The following HIRA variants were observed in gnomAD, a reference collection of about 807,000 sequenced individuals.
HIRA encodes protein HIRA.
A neutral mutation model predicts 126.6 loss-of-function variants in HIRA; 13 were observed. The ratio of observed to expected loss-of-function variants is 0.10; its 90% CI spans 0.07 to 0.16. The LOEUF (loss-of-function observed/expected upper bound fraction) is 0.16. HIRA is among the 10% of genes least tolerant of loss of function. HIRA has a pLI of 1.00. For missense variants in HIRA, 834 were observed against 1,314.4 expected (o/e 0.63, Z 5.65); for synonymous variants, 511 against 520.0 (o/e 0.98, Z 0.24).
Position 19,330,964 on chromosome 22 carries a change from A to G in HIRA, c.*476T>C, listed in dbSNP as rs1176447499. 3.7e-6 allele frequency: 1 copy of G among 269,476 alleles called. No homozygotes were observed. Among genetic ancestry groups the G allele is most frequent in the Non-Finnish European group, 6.9e-6 (1 of 144,778 alleles). 16.7% of individuals were successfully genotyped at this position (269,476 alleles called of 1,614,324 possible). A position where few individuals can be genotyped will look rare whatever the true frequency, so the allele number is the denominator to read the frequency against. On this transcript the variant is annotated 3_prime_UTR_variant, in exon 25 of 25. Coordinates refer to ENST00000263208, the MANE Select transcript of HIRA (RefSeq NM_003325.4). ...GAAATTCAATATTACAAGTTAGCAAATTCTAGTACAAAAATAGTCCGTGTG... is the reference window on the plus strand; with the variant it reads ...GAAATTCAATATTACAAGTTAGCAAGTTCTAGTACAAAAATAGTCCGTGTG...
intron 23 of HIRA, among the ~76,000 whole-genome samples, chr22:19,352,598 C>T (rs1229405297): frequency 6.6e-6 from 1 of 152,298 alleles, no homozygotes; most frequent in African/African-American, 2.4e-5. Context: ...GCCAGAGGCA[C>T]ATGTGACATG....
rs540649228 is a variant in HIRA, at chr22:19,360,636, G to A, written c.2085+601C>T. Among the ~76,000 whole-genome samples the A allele has an allele frequency of 2.0e-5, 3 of 152,328 alleles. No individual in the cohort carries two copies. In the East Asian group the frequency reaches 5.8e-4, roughly 29 times the overall value. ...CACCTGAGCTGAGGTACAAGGGTATGCAGAGAGGCAGCAGTGTGTGTGACG... is the reference window on the plus strand; with the variant it reads ...CACCTGAGCTGAGGTACAAGGGTATACAGAGAGGCAGCAGTGTGTGTGACG... On this transcript the variant is annotated intron_variant, in intron 17 of 24. Transcript: ENST00000263208.
chr22:19,353,608 G>A, intron 22 of HIRA, 89 bp from the exon 23 acceptor site: 1 of 1,342,350 alleles, frequency 7.4e-7, no homozygotes, highest in Non-Finnish European at 1.0e-6. Flanking sequence ...CAAGGAGCTG[G>A]CAGGAGGCAG....
chr22:19,382,288 T>A (rs1031360230), intron 13 of HIRA, among the ~76,000 whole-genome samples: 1 of 152,170 alleles, frequency 6.6e-6, no homozygotes, highest in Non-Finnish European at 1.5e-5. Flanking sequence ...AGGTAACGCC[T>A]GGAAGGATCC....
At chr22:19,353,769 C>CA (rs1213527690) in intron 22 of HIRA, among the ~76,000 whole-genome samples, 3 of 152,224 alleles carry the variant, frequency 2.0e-5, no homozygotes, top group African/African-American at 7.2e-5. Flanking sequence ...CCTGAAGTGA[C>CA]AGGGCCAGTG....
At chr22:19,372,684 G>A (rs1484203103) in intron 15 of HIRA, among the ~76,000 whole-genome samples, 1 of 149,594 alleles carries the variant, frequency 6.7e-6, no homozygotes, top group Non-Finnish European at 1.5e-5. Context: ...TGATTCTCTT[G>A]TCTCAGCCTA....
chr22:19,384,952 C>T (rs925959127), intron 12 of HIRA, among the ~76,000 whole-genome samples: 2 of 152,034 alleles, frequency 1.3e-5, no homozygotes, highest in Non-Finnish European at 2.9e-5. Context: ...CTGCGCCTGG[C>T]CTGAGGTAGA....
intron 24 of HIRA, among the ~76,000 whole-genome samples, chr22:19,347,061 T>C (rs768803571): frequency 2.0e-4 from 31 of 152,234 alleles, no homozygotes; most frequent in Non-Finnish European, 4.3e-4. Context: ...GGCGGGCATC[T>C]TGGGCTAAGG....
intron 24 of HIRA, among the ~76,000 whole-genome samples, chr22:19,348,686 G>C (rs1006099344): frequency 6.6e-6 from 1 of 151,914 alleles, no homozygotes; most frequent in African/African-American, 2.4e-5. Context: ...TAGTAGAGAT[G>C]GGGTTTCACT....
At chr22:19,365,526 C>A (rs1358962043) in intron 15 of HIRA, among the ~76,000 whole-genome samples, 2 of 152,192 alleles carry the variant, frequency 1.3e-5, no homozygotes, top group Non-Finnish European at 2.9e-5. Context: ...GCCTAGATGA[C>A]AGCACATCTG....
At chr22:19,403,459 A>C (rs887044799) in intron 5 of HIRA, among the ~76,000 whole-genome samples, 2 of 151,950 alleles carry the variant, frequency 1.3e-5, no homozygotes, top group African/African-American at 4.8e-5. Context: ...AATACAAAAA[A>C]AAAGTGGCCG....
At position 19,348,737 on chromosome 22, in the gene HIRA, C is replaced by T. The variant is rs541083481; in HGVS notation, c.2937+2621G>A. Among the ~76,000 whole-genome samples, 5 of 151,846 alleles carry T rather than the reference C, an allele frequency of 3.3e-5. No individual in the cohort carries two copies. The East Asian group carries it at 5.8e-4, about 18-fold the overall frequency. On this transcript the variant is annotated intron_variant, in intron 24 of 24. Transcript: ENST00000263208. The stretch of plus-strand genomic sequence containing the variant: ...GTCTCAAACTCCTGACCTCATGATC[C>T]GACCCCCTTGGCCTCCCAAAGTGCT...
At chr22:19,412,036 T>C (rs747299530) in intron 1 of HIRA, among the ~76,000 whole-genome samples, 1 of 152,224 alleles carries the variant, frequency 6.6e-6, no homozygotes, top group African/African-American at 2.4e-5. Context: ...CTATGTAGTA[T>C]AGGTTGAGTA....
chr22:19,387,681 C>T, intron 11 of HIRA, 30 bp downstream of exon 11: 1 of 1,563,686 alleles, frequency 6.4e-7, no homozygotes, highest in Non-Finnish European at 8.8e-7. Context: ...GGCCACAGAG[C>T]ACCCAGCAGC....
At chr22:19,397,013 C>T (rs963987236) in intron 6 of HIRA, 66 bp from the exon 7 acceptor site, 3 of 1,480,208 alleles carry the variant, frequency 2.0e-6, no homozygotes, top group Non-Finnish European at 2.8e-6. Flanking sequence ...ATCCATGGGC[C>T]ATGGGATGGA....
At chr22:19,356,506 G>A (rs990259623) in intron 19 of HIRA, among the ~76,000 whole-genome samples, 1 of 152,184 alleles carries the variant, frequency 6.6e-6, no homozygotes, top group East Asian at 1.9e-4. Flanking sequence ...ACAGAGCCAT[G>A]GGGAACCCTC....
intron 5 of HIRA, 57 bp from the exon 6 acceptor site, chr22:19,398,144 T>A: frequency 7.2e-7 from 1 of 1,390,052 alleles, no homozygotes; most frequent in Non-Finnish European, 1.0e-6. Context: ...CCCTTGTCTA[T>A]TAGCTTGGCC....
At chr22:19,355,935 G>C (rs1435380356) in intron 20 of HIRA, 70 bp from the exon 21 acceptor site, 1 of 1,119,192 alleles carries the variant, frequency 8.9e-7, no homozygotes, top group Non-Finnish European at 1.3e-6. Context: ...TATCAAAGGA[G>C]AAATCTGTAC....
chr22:19,370,639 T>G (rs1439817612), intron 15 of HIRA, among the ~76,000 whole-genome samples: 1 of 152,228 alleles, frequency 6.6e-6, no homozygotes, highest in East Asian at 1.9e-4. Flanking sequence ...CTGCATTTTC[T>G]GTAAGGCCTT....
Sources: gnomAD v4.1 joint callset for allele counts (sites outside exome capture counted in the v4.1 genomes callset) on GRCh38, gnomAD v4.1.1 for gene constraint, MANE v1.5 for transcripts, NCBI Gene and HGNC (gene_info 2026-07-23, HGNC 2026-07-21) for gene names.